CAMK1D: variants seen among roughly 807,000 people sequenced by gnomAD.
The protein encoded by CAMK1D is calcium/calmodulin-dependent protein kinase type 1D.
In CAMK1D, 9 loss-of-function variants were observed where a neutral mutation model predicts 47.7. The observed-to-expected ratio is 0.19, with a 90% CI of 0.11 to 0.33. CAMK1D has a LOEUF of 0.33. CAMK1D is among the 10% of genes least tolerant of loss of function. CAMK1D has a pLI of 1.00. For synonymous variants in CAMK1D, 184 were observed against 184.9 expected (o/e 0.99, Z 0.04); for missense variants, 291 against 488.7 (o/e 0.60, Z 3.81).
At chr10:12,581,067 G>A (rs1175479231) in intron 2 of CAMK1D, among the ~76,000 whole-genome samples, 1 of 152,000 alleles carries the variant, frequency 6.6e-6, no homozygotes, top group African/African-American at 2.4e-5. Context: ...AGTCTCCAGA[G>A]TCCATTGTGT....
chr10:12,672,896 C>CATTTTTTTTT (rs1840670076), intron 3 of CAMK1D, among the ~76,000 whole-genome samples: 1 of 76,516 alleles, frequency 1.3e-5, no homozygotes, highest in Non-Finnish European at 2.3e-5. Context: ...ATAGGCTTGC[C>CATTTTTTTTT]TTTTTTTTTT....
chr10:12,355,461 C>T (rs1342637172), intron 1 of CAMK1D, among the ~76,000 whole-genome samples: 7 of 150,630 alleles, frequency 4.6e-5, no homozygotes, highest in South Asian at 2.1e-4. Context: ...TTTGTGTGTG[C>T]GTGTGTGTGT....
intron 3 of CAMK1D, among the ~76,000 whole-genome samples, chr10:12,685,003 A>G (rs1832595501): frequency 6.6e-6 from 1 of 152,206 alleles, no homozygotes; most frequent in Non-Finnish European, 1.5e-5. Context: ...TTGTTTTCCA[A>G]AGGTCTTTAA....
At chr10:12,497,283 C>T (rs1376568869) in intron 1 of CAMK1D, among the ~76,000 whole-genome samples, 1 of 151,950 alleles carries the variant, frequency 6.6e-6, no homozygotes. Flanking sequence ...TTGAGACCTT[C>T]CTGGCCACCA....
intron 2 of CAMK1D, among the ~76,000 whole-genome samples, chr10:12,586,453 G>GAAAAA (rs201388483): frequency 2.7e-5 from 3 of 111,722 alleles, no homozygotes; most frequent in Non-Finnish European, 5.3e-5. Context: ...CCTCTCAAAA[G>GAAAAA]AAAAAAAAAA....
chr10:12,429,990 A>G (rs1416565714), intron 1 of CAMK1D, among the ~76,000 whole-genome samples: 1 of 151,462 alleles, frequency 6.6e-6, no homozygotes. Flanking sequence ...AGTCACTCTC[A>G]CTTTGTCTCC....
At chr10:12,722,105 G>C (rs1255258054) in intron 3 of CAMK1D, among the ~76,000 whole-genome samples, 1 of 152,040 alleles carries the variant, frequency 6.6e-6, no homozygotes, top group African/African-American at 2.4e-5. Flanking sequence ...TTGGGTGTTA[G>C]GATTTCAGTA....
At chr10:12,751,947 G>A (rs11596618) in intron 3 of CAMK1D, among the ~76,000 whole-genome samples, 15,508 of 151,734 alleles carry the variant, frequency 0.1, 1,106 homozygotes, top group Admixed American at 0.15. Flanking sequence ...TTTTGTCTTT[G>A]CTCTTTCAAA....
intron 1 of CAMK1D, among the ~76,000 whole-genome samples, chr10:12,421,093 C>T (rs753119429): frequency 1.9e-4 from 29 of 152,154 alleles, no homozygotes; most frequent in Admixed American, 1.1e-3. Flanking sequence ...GGCTGAATGG[C>T]GTGGTGTTGA....
intron 2 of CAMK1D, among the ~76,000 whole-genome samples, chr10:12,622,859 G>A (rs891011650): frequency 3.3e-5 from 5 of 152,148 alleles, no homozygotes; most frequent in Non-Finnish European, 7.4e-5. Context: ...AGTGAGTAGC[G>A]TGTTTGAAAG....
At chr10:12,636,621 C>T (rs909567096) in intron 2 of CAMK1D, among the ~76,000 whole-genome samples, 1 of 152,182 alleles carries the variant, frequency 6.6e-6, no homozygotes, top group African/African-American at 2.4e-5. Context: ...AGCCACTGTG[C>T]CTGGCCTTAT....
chr10:12,376,509 CG>C (rs1838186537), intron 1 of CAMK1D, among the ~76,000 whole-genome samples: 2 of 152,106 alleles, frequency 1.3e-5, no homozygotes, highest in Admixed American at 6.6e-5. Context: ...CAGGGAGTGC[CG>C]CCAGGGGCAC....
At chr10:12,594,140 C>T (rs1385692441) in intron 2 of CAMK1D, among the ~76,000 whole-genome samples, 1 of 152,204 alleles carries the variant, frequency 6.6e-6, no homozygotes, top group Non-Finnish European at 1.5e-5. Context: ...CGTGCCATTG[C>T]ACTCTAATAA....
chr10:12,373,477 C>CA, intron 1 of CAMK1D, among the ~76,000 whole-genome samples: 1 of 151,412 alleles, frequency 6.6e-6, no homozygotes, highest in African/African-American at 2.4e-5. Context: ...ACTAAAGATG[C>CA]AAGAATTAGC....
At chr10:12,801,339 ATCT>A (rs1838442366) in intron 6 of CAMK1D, among the ~76,000 whole-genome samples, 4 of 119,274 alleles carry the variant, frequency 3.4e-5, no homozygotes, top group African/African-American at 1.6e-4. Context: ...CTATCTATCT[ATCT>A]ATCTATCTAT....
chr10:12,616,619 G>A (rs986709874), intron 2 of CAMK1D, among the ~76,000 whole-genome samples: 2 of 151,708 alleles, frequency 1.3e-5, no homozygotes, highest in Non-Finnish European at 2.9e-5. Context: ...CCGGGTTCAC[G>A]CCATTCTCCT....
At chr10:12,530,172 A>T (rs559044548) in intron 1 of CAMK1D, among the ~76,000 whole-genome samples, 1 of 152,300 alleles carries the variant, frequency 6.6e-6, no homozygotes, top group African/African-American at 2.4e-5. Flanking sequence ...CCGGCTCCCA[A>T]GGCCACGCAT....
intron 1 of CAMK1D, among the ~76,000 whole-genome samples, chr10:12,350,822 A>G (rs1837332925): frequency 6.6e-6 from 1 of 152,198 alleles, no homozygotes; most frequent in Non-Finnish European, 1.5e-5. Flanking sequence ...TCCCTCACAC[A>G]ATCAGTATTT....
At chr10:12,661,770 T>C (rs1478546126) in intron 2 of CAMK1D, among the ~76,000 whole-genome samples, 1 of 152,228 alleles carries the variant, frequency 6.6e-6, no homozygotes, top group African/African-American at 2.4e-5. Flanking sequence ...AGATGAGATC[T>C]ATAGACTGGA....
Sources: allele counts gnomAD v4.1 joint callset (sites outside exome capture counted in the v4.1 genomes callset), GRCh38; gene constraint gnomAD v4.1.1; transcripts MANE v1.5; gene names NCBI Gene and HGNC (gene_info 2026-07-23, HGNC 2026-07-21).